Variants in IL4I1 observed in about 807,000 individuals in gnomAD.
IL4I1 encodes interleukin 4 induced 1.
A neutral mutation model predicts 29.7 loss-of-function variants in IL4I1; 24 were observed. The ratio of observed to expected loss-of-function variants is 0.81; its 90% CI spans 0.59 to 1.14. The LOEUF (loss-of-function observed/expected upper bound fraction) is 1.14. Ranked by LOEUF, IL4I1 falls within the 50% of genes most tolerant of loss-of-function variation. The pLI is 0.00. For missense variants in IL4I1, 686 were observed against 785.6 expected, an observed-to-expected ratio of 0.87 and a Z score of 1.52; for synonymous variants, 371 against 352.5, an observed-to-expected ratio of 1.05 and a Z score of -0.59.
chr19:49,919,416 GA>G (rs1240340839), intron 2 of IL4I1, among the ~76,000 whole-genome samples: 1 of 152,202 alleles, frequency 6.6e-6, no homozygotes, highest in African/African-American at 2.4e-5. Flanking sequence ...ATGTATCTTA[GA>G]AATCGTTTTA....
intron 2 of IL4I1, chr19:49,909,068 C>T: frequency 1.2e-6 from 2 of 1,612,690 alleles, no homozygotes; most frequent in Non-Finnish European, 1.7e-6. Flanking sequence ...AGTGGGGGCG[C>T]CCGCTGTGGT....
At position 49,889,702 on chromosome 19, in the gene IL4I1, GGA is replaced by G. The variant is rs958117456; in HGVS notation, c.1670_1671del (p.Leu557ProfsTer?). On this transcript the variant is annotated frameshift_variant, in exon 8 of 8. Coordinates refer to ENST00000391826, the MANE Select transcript of IL4I1 (RefSeq NM_152899.2). LOFTEE classifies it low-confidence loss of function (END_TRUNC). Reference sequence around the variant, plus strand: ...GAGGTCCTCGTGTGGGTCGTGTTTTGGAGAGATAACTGGCCTTGGACTGGAGG... The same window carrying G: ...GAGGTCCTCGTGTGGGTCGTGTTTTGGAGATAACTGGCCTTGGACTGGAGG... ...SHPPVQGQLS[L>X]QNTTHTRTSH 2.0e-6 allele frequency: 3 copies of G among 1,509,050 alleles called. No individual in the cohort carries two copies. The highest frequency in any genetic ancestry group is 2.7e-6 in the Non-Finnish European group (3 of 1,128,164). The allele number at this position is 1,509,050 out of a possible 1,614,324, so 93.5% of individuals were successfully genotyped here. A position where few individuals can be genotyped will look rare whatever the true frequency, so the allele number is the denominator to read the frequency against.
Position 49,890,156 on chromosome 19 carries a change from C to A in IL4I1, c.1218G>T (p.Ala406=). The change falls in exon 8 of 8, where the codon GCG becomes GCT. Residue 406 remains alanine, a synonymous_variant. Transcript: ENST00000391826. The stretch of plus-strand genomic sequence containing the variant: ...CCTCTTCCCGGCTCAAGCCGGCGAA[C>A]GCTGCCGCCGCGTCCGACCACGTGT... ...ASYTWSDAAA[A]FAGLSREEAL... is the part of the protein sequence containing the mutation. 1 of 1,541,500 alleles carries A rather than the reference C, an allele frequency of 6.5e-7. No individual in the cohort carries two copies. Among genetic ancestry groups the A allele is most frequent in the Non-Finnish European group, 8.7e-7 (1 of 1,143,034 alleles).
intron 1 of IL4I1, chr19:49,928,518 C>G (rs1460742381): frequency 9.0e-6 from 1 of 110,498 alleles, no homozygotes; most frequent in African/African-American, 3.1e-5. Context: ...GAGACTCCGT[C>G]TCAAAAAAAA....
chr19:49,902,151 C>T (rs2075277067), intron 3 of IL4I1, among the ~76,000 whole-genome samples: 1 of 152,102 alleles, frequency 6.6e-6, no homozygotes, highest in Middle Eastern at 3.4e-3. Flanking sequence ...AGGTACAGGC[C>T]ACCATGCCCA....
At chr19:49,924,990 G>A (rs181362827) in intron 2 of IL4I1, among the ~76,000 whole-genome samples, 1 of 152,196 alleles carries the variant, frequency 6.6e-6, no homozygotes, top group Non-Finnish European at 1.5e-5. Flanking sequence ...GGCCAGGCGC[G>A]GTGGTTCACG....
intron 6 of IL4I1, 120 bp from the exon 7 acceptor site, chr19:49,891,227 ACT>A (rs2075134404): frequency 6.8e-7 from 1 of 1,465,094 alleles, no homozygotes; most frequent in Admixed American, 1.9e-5. Context: ...TCCTGTCCCC[ACT>A]CTCTGACAGA....
chr19:49,907,010 C>G (rs2075335489), intron 2 of IL4I1: 1 of 153,708 alleles, frequency 6.5e-6, no homozygotes, highest in African/African-American at 2.4e-5. Context: ...AGTTCCGAGC[C>G]AAGTCTACGG....
At chr19:49,908,848 T>C in intron 2 of IL4I1, 2 of 1,612,388 alleles carry the variant, frequency 1.2e-6, no homozygotes, top group Non-Finnish European at 1.7e-6. Context: ...CAGCCGCCCC[T>C]GCAGCTGCGC....
chr19:49,905,742 G>A (rs979742726), intron 2 of IL4I1, among the ~76,000 whole-genome samples: 1 of 152,104 alleles, frequency 6.6e-6, no homozygotes, highest in Non-Finnish European at 1.5e-5. Context: ...GATTACAGGC[G>A]CCCGCCACTT....
At chr19:49,909,057 C>A in intron 2 of IL4I1, 1 of 1,612,946 alleles carries the variant, frequency 6.2e-7, no homozygotes, top group Non-Finnish European at 8.5e-7. Flanking sequence ...TGTGTCCCAG[C>A]AGTGGGGGCG....
At chr19:49,909,611 G>C in intron 2 of IL4I1, 1 of 1,613,430 alleles carries the variant, frequency 6.2e-7, no homozygotes, top group South Asian at 1.1e-5. Flanking sequence ...TGTGGCCGGA[G>C]TCTGGGTGGC....
At chr19:49,890,929 G>GGCC in intron 7 of IL4I1, 42 bp downstream of exon 7, 1 of 454,450 alleles carries the variant, frequency 2.2e-6, no homozygotes, top group Non-Finnish European at 3.5e-6. Flanking sequence ...TTCCCTGATT[G>GGCC]CCCCCCGCCC....
intron 2 of IL4I1, chr19:49,911,428 G>C (rs1016054419): frequency 3.3e-5 from 5 of 152,188 alleles, no homozygotes; most frequent in Non-Finnish European, 7.3e-5. Flanking sequence ...GCCTGACCCA[G>C]AGAAACACCC....
At chr19:49,915,821 G>A (rs912632024) in intron 2 of IL4I1, among the ~76,000 whole-genome samples, 4 of 152,228 alleles carry the variant, frequency 2.6e-5, no homozygotes, top group Non-Finnish European at 5.9e-5. Flanking sequence ...GACTGTGGAT[G>A]TGTGTGGGTG....
intron 5 of IL4I1, 70 bp downstream of exon 5, chr19:49,894,198 G>T: frequency 6.8e-7 from 1 of 1,471,038 alleles, no homozygotes; most frequent in East Asian, 2.5e-5. Context: ...GAGAAGAAAA[G>T]CCGGGCCGGG....
chr19:49,917,386 CCT>C, intron 2 of IL4I1, among the ~76,000 whole-genome samples: 1 of 152,334 alleles, frequency 6.6e-6, no homozygotes, highest in Non-Finnish European at 1.5e-5. Context: ...TGAATCAGTT[CCT>C]CTTTCCTTTG....
chr19:49,907,774 C>T (rs1267867534), intron 2 of IL4I1: 1 of 331,830 alleles, frequency 3.0e-6, no homozygotes, highest in Non-Finnish European at 5.8e-6. Flanking sequence ...GACCTCAAGT[C>T]ATCTGCCCGC....
At chr19:49,890,928 T>TGGGGGGGGGGGGGGGGG in intron 7 of IL4I1, 43 bp downstream of exon 7, 7 of 633,200 alleles carry the variant, frequency 1.1e-5, no homozygotes, top group African/African-American at 2.7e-5. Context: ...TTTCCCTGAT[T>TGGGGGGGGGGGGGGGGG]GCCCCCCGCC....
Sources: allele counts gnomAD v4.1 joint callset (sites outside exome capture counted in the v4.1 genomes callset), GRCh38; gene constraint gnomAD v4.1.1; transcripts MANE v1.5; gene names NCBI Gene and HGNC (gene_info 2026-07-23, HGNC 2026-07-21).